Variants in MOB2 observed in about 807,000 individuals in gnomAD.
MOB2 encodes MOB2 Mps One Binder homolog.
In MOB2, 14 loss-of-function variants were observed where a neutral mutation model predicts 27.4. The ratio of observed to expected loss-of-function variants is 0.51; its 90% confidence interval spans 0.34 to 0.80. MOB2 has a LOEUF of 0.80. Among genes scored for constraint, MOB2 ranks in the 30% least tolerant of loss-of-function variants. MOB2 has a pLI of 0.01. For missense variants in MOB2, 304 were observed against 354.6 expected, an observed-to-expected ratio of 0.86 and a Z score of 1.15; for synonymous variants, 167 against 151.8, an observed-to-expected ratio of 1.10 and a Z score of -0.74.
chr11:1,474,124 G>A (rs544490686), intron 3 of MOB2, among the ~76,000 whole-genome samples: 1 of 152,394 alleles, frequency 6.6e-6, no homozygotes, highest in African/African-American at 2.4e-5. Context: ...CATGTGGGCA[G>A]GTGGACATGG....
chr11:1,470,542 G>A, intron 4 of MOB2, 54 bp from the exon 5 acceptor site: 1 of 1,555,602 alleles, frequency 6.4e-7, no homozygotes, highest in Non-Finnish European at 8.7e-7. Flanking sequence ...CCCAACAGAG[G>A]CCAGGCCCCT....
chr11:1,471,527 A>G, intron 3 of MOB2, 108 bp from the exon 4 acceptor site: 1 of 1,423,914 alleles, frequency 7.0e-7, no homozygotes, highest in Non-Finnish European at 9.5e-7. Flanking sequence ...CCAGCAGCGG[A>G]GGTGTGGCAG....
intron 1 of MOB2, chr11:1,481,638 C>T (rs1401972743): frequency 6.6e-6 from 1 of 152,450 alleles, no homozygotes; most frequent in East Asian, 1.9e-4. Flanking sequence ...AGATCTTCGC[C>T]TTAAAAGGAG....
intron 1 of MOB2, among the ~76,000 whole-genome samples, chr11:1,486,033 C>G (rs949732847): frequency 2.0e-5 from 3 of 152,232 alleles, no homozygotes; most frequent in Admixed American, 2.0e-4. Flanking sequence ...AACAGCCGCA[C>G]GCTGGGACAA....
intron 3 of MOB2, among the ~76,000 whole-genome samples, chr11:1,477,606 A>T (rs1166536650): frequency 6.6e-6 from 1 of 152,034 alleles, no homozygotes; most frequent in African/African-American, 2.4e-5. Context: ...CTGTCTGTGG[A>T]CCAGGAAAGG....
rs765391408 is a variant in MOB2, at chr11:1,470,289, G to T, written c.690C>A (p.Ile230=). The change falls in exon 5 of 5, where the codon ATC becomes ATA. Residue 230 remains isoleucine, a synonymous_variant. Transcript: ENST00000329957. ...FNLLDPKETA[I]MDDLTEVLCS... ...ATAGCACCTCGGTGAGGTCGTCCAT[G>T]ATGGCGGTCTCTTTGGGGTCCAGCA... 3.1e-6 allele frequency: 5 copies of T among 1,613,252 alleles called. No homozygotes were observed. In the South Asian group the frequency reaches 5.5e-5, roughly 18 times the overall value.
In MOB2 at chr11:1,486,688, GC is replaced by G. The variant is rs1847974013; in HGVS notation, c.-133del. On this transcript the variant is annotated 5_prime_UTR_variant, in exon 1 of 5. An upstream open reading frame in the 5' UTR loses its in-frame stop. Coordinates refer to ENST00000329957, the MANE Select transcript of MOB2 (RefSeq NM_001172223.3). ...GGACGCCTGGCAGAGACAAACAGCTGCCCCCTTTCCAGAGGCAAGGGCTGGC... is the reference window on the plus strand; with the variant it reads ...GGACGCCTGGCAGAGACAAACAGCTGCCCCTTTCCAGAGGCAAGGGCTGGC... The G allele has an allele frequency of 4.7e-6, 3 of 643,924 alleles. No individual in the cohort carries two copies. In the East Asian group the frequency reaches 8.3e-5, roughly 18 times the overall value. 39.9% of individuals were successfully genotyped at this position (643,924 alleles called of 1,614,324 possible).
intron 3 of MOB2, among the ~76,000 whole-genome samples, chr11:1,475,670 T>C (rs1847845320): frequency 6.6e-6 from 1 of 152,216 alleles, no homozygotes. Flanking sequence ...GCTGGCCTCC[T>C]GCAGGCTCAA....
In MOB2 at chr11:1,469,892, A is replaced by C; in HGVS notation, c.*280T>G. 1 of 740,464 alleles carries C rather than the reference A, an allele frequency of 1.4e-6. No individual in the cohort carries two copies. The allele number at this position is 740,464 out of a possible 1,614,324, so 45.9% of individuals were successfully genotyped here. The stretch of plus-strand genomic sequence containing the variant: ...GAGACCAGAGAAAGGAAAACCCCAC[A>C]GAAGAAAACTCAAAGCATCAGTCCC... On this transcript the variant is annotated 3_prime_UTR_variant, in exon 5 of 5. Coordinates refer to ENST00000329957, the MANE Select transcript of MOB2 (RefSeq NM_001172223.3).
chr11:1,486,436 G>T lies in MOB2; in HGVS notation c.110+11C>A. 1 of 1,528,592 alleles carries T rather than the reference G, an allele frequency of 6.5e-7. No individual in the cohort carries two copies. The highest frequency in any genetic ancestry group is 8.8e-7 in the Non-Finnish European group (1 of 1,140,248). The allele number at this position is 1,528,592 out of a possible 1,614,324, so 94.7% of individuals were successfully genotyped here. On this transcript the variant is annotated intron_variant, in intron 1 of 4. Coordinates refer to ENST00000329957, the MANE Select transcript of MOB2 (RefSeq NM_001172223.3). ...ACACACCCCTCCCCCAGCCAGGCTG[G>T]CAGGTGTTACCTGAGCACTTTGCTG...
chr11:1,481,048 C>T (rs1453657788), intron 1 of MOB2, 163 bp from the exon 2 acceptor site: 14 of 841,618 alleles, frequency 1.7e-5, no homozygotes, highest in Middle Eastern at 3.4e-4. Flanking sequence ...GGGACACCAA[C>T]GGTGAGGCTG....
At chr11:1,480,313 A>C (rs1000916683) in intron 3 of MOB2, 80 bp downstream of exon 3, 33 of 1,316,518 alleles carry the variant, frequency 2.5e-5, no homozygotes, top group Admixed American at 9.1e-5. Flanking sequence ...ATCTGAGAGG[A>C]CAGGAGCCTG....
chr11:1,480,261 G>A, intron 3 of MOB2, 132 bp downstream of exon 3: 1 of 780,922 alleles, frequency 1.3e-6, no homozygotes, highest in Non-Finnish European at 2.0e-6. Flanking sequence ...TGTTGTGGAA[G>A]GCCTGTGCCA....
chr11:1,472,325 G>A (rs1847802918), intron 3 of MOB2: 1 of 152,226 alleles, frequency 6.6e-6, no homozygotes, highest in Admixed American at 6.5e-5. Context: ...CCCACCCACA[G>A]GCAGTGGAGA....
intron 3 of MOB2, chr11:1,472,442 C>T (rs1308995460): frequency 6.6e-6 from 1 of 152,370 alleles, no homozygotes; most frequent in African/African-American, 2.4e-5. Context: ...ATGGGCCACA[C>T]AGCACAGAGC....
chr11:1,470,329 G>T lies in MOB2; in HGVS notation c.650C>A (p.Ala217Asp). Residue 217 changes from alanine (A) to aspartate (D), a missense_variant, in exon 5 of 5, where the codon GCT (alanine) becomes GAT (aspartate). Transcript: ENST00000329957. ...GGGGTCCAGCAGGTTGAACTCCCGAGCAAAGAGGATGAAGTGGACGTAGAG... is the reference window on the plus strand; with the variant it reads ...GGGGTCCAGCAGGTTGAACTCCCGATCAAAGAGGATGAAGTGGACGTAGAG... ...NTLYVHFILFAREFNLLDPKE... is the reference protein window; with the variant it reads ...NTLYVHFILFDREFNLLDPKE... The T allele has an allele frequency of 6.2e-7, 1 of 1,613,544 alleles. No homozygotes were observed. The highest frequency in any genetic ancestry group is 8.5e-7 in the Non-Finnish European group (1 of 1,179,904).
At chr11:1,482,476 C>T (rs1175968962) in intron 1 of MOB2, among the ~76,000 whole-genome samples, 1 of 152,210 alleles carries the variant, frequency 6.6e-6, no homozygotes, top group Non-Finnish European at 1.5e-5. Flanking sequence ...CTCTCCCAGG[C>T]TCTGGCTGTG....
At chr11:1,478,907 GC>G (rs1179178999) in intron 3 of MOB2, among the ~76,000 whole-genome samples, 26 of 152,284 alleles carry the variant, frequency 1.7e-4, no homozygotes, top group African/African-American at 6.0e-4. Context: ...TGGCCCTGAG[GC>G]CCTCTGAGAA....
chr11:1,473,759 G>T (rs1260940278), intron 3 of MOB2, among the ~76,000 whole-genome samples: 1 of 152,258 alleles, frequency 6.6e-6, no homozygotes, highest in African/African-American at 2.4e-5. Context: ...ATAGTTCTAA[G>T]ATTTTTATCC....
Sources: gnomAD v4.1 joint callset for allele counts (sites outside exome capture counted in the v4.1 genomes callset) on GRCh38, gnomAD v4.1.1 for gene constraint, MANE v1.5 for transcripts, NCBI Gene and HGNC (gene_info 2026-07-23, HGNC 2026-07-21) for gene names.